PCDHA1: variants seen among roughly 807,000 people sequenced by gnomAD.
The protein encoded by PCDHA1 is protocadherin alpha 1, also known as protocadherin alpha-1.
In PCDHA1, 42 loss-of-function variants were observed where a neutral mutation model predicts 61.3. The observed-to-expected ratio is 0.69, with a 90% confidence interval of 0.54 to 0.89. PCDHA1 has a LOEUF of 0.89. Among genes scored for constraint, PCDHA1 ranks in the 40% least tolerant of loss-of-function variants. The pLI, the probability that PCDHA1 is intolerant of heterozygous loss-of-function variation, is 0.00. For synonymous variants in PCDHA1, 610 were observed against 553.8 expected, an observed-to-expected ratio of 1.10 and a Z score of -1.43; for missense variants, 1,256 against 1,235.3, an observed-to-expected ratio of 1.02 and a Z score of -0.25.
chr5:140,829,710 C>T (rs1554132175), intron 1 of PCDHA1: 2 of 1,613,312 alleles, frequency 1.2e-6, no homozygotes, highest in African/African-American at 2.7e-5. Context: ...GCGCGCGACG[C>T]GGGCGTGCCG....
At position 140,835,207 on chromosome 5, in the gene PCDHA1, G is replaced by A. The variant is rs2150231838; in HGVS notation, c.2394+46523G>A. The A allele has an allele frequency of 5.0e-5, 79 of 1,567,382 alleles. No individual in the cohort carries two copies. Among genetic ancestry groups the A allele is most frequent in the Non-Finnish European group, 6.5e-5 (75 of 1,153,980 alleles). On this transcript the variant is annotated intron_variant, in intron 1 of 3. Coordinates refer to ENST00000504120, the MANE Select transcript of PCDHA1 (RefSeq NM_018900.4). Reference sequence around the variant, plus strand: ...TCAGATTTAGACGAAGGCTTGAATGGGGATATTATTTACTCCTTCTCCAGT... The same window carrying A: ...TCAGATTTAGACGAAGGCTTGAATGAGGATATTATTTACTCCTTCTCCAGT...
chr5:140,787,025 C>T lies in PCDHA1; in HGVS notation c.735C>T (p.Ala245=), dbSNP rs1761345607. 3.1e-6 allele frequency: 5 copies of T among 1,613,964 alleles called. No homozygotes were observed. The highest frequency in any genetic ancestry group is 2.7e-5 in the African/African-American group (2 of 74,884). Residue 245 remains alanine (A), a synonymous_variant, in exon 1 of 4, where the codon GCC becomes GCT. Coordinates refer to ENST00000504120, the MANE Select transcript of PCDHA1 (RefSeq NM_018900.4). ...VNDNAPLFDQ[A]VYRVHLLETT... is the part of the protein sequence containing the mutation. ...ATAACGCCCCACTGTTTGACCAGGC[C>T]GTATACAGAGTCCACTTGTTAGAGA...
Position 140,795,506 on chromosome 5 carries a change from A to T in PCDHA1, c.2394+6822A>T, listed in dbSNP as rs147884726. ...AGCTCCAGTGAGTTTTTCTTCCTAG[A>T]TATACAGGCAAATGATGAACTAAGC... On this transcript the variant is annotated intron_variant, in intron 1 of 3. Coordinates refer to ENST00000504120, the MANE Select transcript of PCDHA1 (RefSeq NM_018900.4). 60 of 1,614,132 alleles carry T rather than the reference A, an allele frequency of 3.7e-5. No individual in the cohort carries two copies. In the African/African-American group the frequency reaches 7.3e-4, roughly 20 times the overall value.
intron 1 of PCDHA1, among the ~76,000 whole-genome samples, chr5:140,915,458 G>A (rs1172885235): frequency 6.6e-6 from 1 of 152,126 alleles, no homozygotes; most frequent in Non-Finnish European, 1.5e-5. Context: ...TTTCCAGAAG[G>A]TTTTTATTTG....
At chr5:140,863,655 G>T in intron 1 of PCDHA1, 1 of 295,936 alleles carries the variant, frequency 3.4e-6, no homozygotes, top group Non-Finnish European at 6.6e-6. Context: ...TAATTTGATT[G>T]CTTTATTTAT....
intron 1 of PCDHA1, among the ~76,000 whole-genome samples, chr5:140,792,976 C>T (rs1023614332): frequency 1.3e-5 from 2 of 152,172 alleles, no homozygotes; most frequent in Non-Finnish European, 2.9e-5. Context: ...GAGCTGATTT[C>T]ATTTCCTGGC....
intron 1 of PCDHA1, chr5:140,967,025 C>A: frequency 1.2e-6 from 2 of 1,608,362 alleles, no homozygotes; most frequent in Non-Finnish European, 8.5e-7. Flanking sequence ...TGCGCCCAGT[C>A]CGCGCTACCT....
intron 1 of PCDHA1, chr5:140,867,501 C>G (rs2049995274): frequency 6.6e-6 from 1 of 151,954 alleles, no homozygotes. Context: ...AAAAGTAGAA[C>G]AAAATCTCAA....
intron 1 of PCDHA1, chr5:140,928,022 G>A: frequency 6.2e-7 from 1 of 1,614,200 alleles, no homozygotes; most frequent in Non-Finnish European, 8.5e-7. Flanking sequence ...AGGGTCATTT[G>A]TGGCATGTCT....
intron 1 of PCDHA1, chr5:140,870,040 A>C: frequency 6.2e-7 from 1 of 1,613,768 alleles, no homozygotes; most frequent in Non-Finnish European, 8.5e-7. Context: ...TGAAGAAAAC[A>C]AGTTTTATAA....
intron 1 of PCDHA1, chr5:140,850,578 G>T: frequency 6.3e-7 from 1 of 1,598,460 alleles, no homozygotes; most frequent in Non-Finnish European, 8.6e-7. Context: ...GACGCTGGTG[G>T]ATGTCAACGT....
intron 1 of PCDHA1, chr5:140,817,240 A>G (rs1766094783): frequency 2.0e-5 from 3 of 152,290 alleles, no homozygotes; most frequent in Admixed American, 1.3e-4. Flanking sequence ...GGGAGAAGAC[A>G]GGAGCTGGGA....
At chr5:140,883,614 A>G (rs2059700095) in intron 1 of PCDHA1, 1 of 1,613,816 alleles carries the variant, frequency 6.2e-7, no homozygotes, top group South Asian at 1.1e-5. Context: ...GCCGACGTGA[A>G]CGACAACGCG....
intron 1 of PCDHA1, chr5:140,802,689 C>A: frequency 2.5e-6 from 4 of 1,612,930 alleles, no homozygotes; most frequent in Non-Finnish European, 3.4e-6. Context: ...GGTGGAACGG[C>A]GGGTGGGGGA....
At chr5:140,971,661 TAGAG>T (rs2096491377) in intron 1 of PCDHA1, among the ~76,000 whole-genome samples, 1 of 152,064 alleles carries the variant, frequency 6.6e-6, no homozygotes, top group Non-Finnish European at 1.5e-5. Context: ...AGATGGGAAT[TAGAG>T]AGGAAGAGTA....
At chr5:140,835,885 A>G in intron 1 of PCDHA1, 3 of 1,611,866 alleles carry the variant, frequency 1.9e-6, no homozygotes, top group Non-Finnish European at 2.5e-6. Flanking sequence ...CGGGTGGGCG[A>G]GCGCGCGCTG....
intron 1 of PCDHA1, among the ~76,000 whole-genome samples, chr5:140,944,151 A>G (rs2093615419): frequency 6.6e-6 from 1 of 152,070 alleles, no homozygotes; most frequent in African/African-American, 2.4e-5. Flanking sequence ...GAAGAGTTGA[A>G]AATTAAAGGG....
chr5:140,823,207 G>A, intron 1 of PCDHA1: 1 of 1,613,830 alleles, frequency 6.2e-7, no homozygotes, highest in Non-Finnish European at 8.5e-7. Flanking sequence ...CACGGTGTCT[G>A]CACGGGACGC....
At chr5:140,998,287 G>A (rs1209811850) in intron 3 of PCDHA1, among the ~76,000 whole-genome samples, 3 of 152,154 alleles carry the variant, frequency 2.0e-5, no homozygotes, top group Non-Finnish European at 4.4e-5. Flanking sequence ...GATTAAATCA[G>A]ATCACACATT....
Sources: gnomAD v4.1 joint callset for allele counts (sites outside exome capture counted in the v4.1 genomes callset) on GRCh38, gnomAD v4.1.1 for gene constraint, MANE v1.5 for transcripts, NCBI Gene and HGNC (gene_info 2026-07-23, HGNC 2026-07-21) for gene names.